The following CERT1 variants were observed in gnomAD, a reference collection of about 807,000 sequenced individuals.
CERT1 encodes the protein ceramide transporter 1.
CERT1 carries 31 observed loss-of-function variants against 87.9 expected under a neutral mutation model. The observed-to-expected ratio is 0.35, with a 90% CI of 0.27 to 0.48. CERT1 has a LOEUF of 0.48. Ranked by LOEUF, CERT1 falls within the 20% of genes least tolerant of loss-of-function variation. The probability of loss-of-function intolerance (pLI) is 0.99; values close to 1 mark genes in which losing one functional copy is unlikely to be tolerated. For missense variants in CERT1, 487 were observed against 758.0 expected (o/e 0.64, Z 4.20); for synonymous variants, 289 against 250.9 (o/e 1.15, Z -1.44).
chr5:75,468,790 C>G (rs1268954402), intron 2 of CERT1, among the ~76,000 whole-genome samples: 1 of 152,176 alleles, frequency 6.6e-6, no homozygotes, highest in Non-Finnish European at 1.5e-5. Flanking sequence ...AGATGACCTG[C>G]CCAGGATCTA....
intron 5 of CERT1, among the ~76,000 whole-genome samples, chr5:75,424,464 T>TGGGA (rs749854199): frequency 1.1e-4 from 16 of 151,228 alleles, no homozygotes; most frequent in Middle Eastern, 3.4e-3. Context: ...CCCAGCTACT[T>TGGGA]GGGAGGCTGA....
At chr5:75,500,503 T>C (rs1414608018) in intron 2 of CERT1, among the ~76,000 whole-genome samples, 6 of 152,190 alleles carry the variant, frequency 3.9e-5, no homozygotes, top group Non-Finnish European at 8.8e-5. Flanking sequence ...TATTGAAAGA[T>C]GGAATATATT....
At chr5:75,495,166 AT>A (rs1309161896) in intron 2 of CERT1, among the ~76,000 whole-genome samples, 1 of 152,208 alleles carries the variant, frequency 6.6e-6, no homozygotes, top group Non-Finnish European at 1.5e-5. Flanking sequence ...GGGAAAGTAT[AT>A]TTTTAAAATA....
At position 75,417,053 on chromosome 5, in the gene CERT1, A is replaced by C. The variant is rs1438441626; in HGVS notation, c.680-20T>G. On this transcript the variant is annotated intron_variant, in intron 6 of 16. Transcript: ENST00000643780. ...GAAATACTGAAAATGAAAATTATTCACTGAAAATATCTCTAATGAGGAAAT... is the reference window on the plus strand; with the variant it reads ...GAAATACTGAAAATGAAAATTATTCCCTGAAAATATCTCTAATGAGGAAAT... 1 of 1,514,556 alleles carries C rather than the reference A, an allele frequency of 6.6e-7. No homozygotes were observed. The highest frequency in any genetic ancestry group is 1.8e-5 in the Admixed American group (1 of 56,004). The allele number at this position is 1,514,556 out of a possible 1,614,324, so 93.8% of individuals were successfully genotyped here. A position where few individuals can be genotyped will look rare whatever the true frequency, so the allele number is the denominator to read the frequency against.
intron 1 of CERT1, among the ~76,000 whole-genome samples, 177 bp downstream of exon 1, chr5:75,510,935 C>G (rs1392323260): frequency 6.6e-6 from 1 of 152,152 alleles, no homozygotes; most frequent in Non-Finnish European, 1.5e-5. Context: ...GACGAGCCCC[C>G]GGGCAACAAG....
At chr5:75,372,713 A>G (rs1470753480) in intron 17 of CERT1, 1 of 152,236 alleles carries the variant, frequency 6.6e-6, no homozygotes. Flanking sequence ...AGGATTGTGC[A>G]TATTAAGCGA....
intron 1 of CERT1, 63 bp downstream of exon 1, chr5:75,511,049 C>T: frequency 1.4e-6 from 2 of 1,463,560 alleles, no homozygotes; most frequent in South Asian, 2.9e-5. Context: ...CCCACCGCCT[C>T]AGCGGATTGC....
intron 2 of CERT1, among the ~76,000 whole-genome samples, chr5:75,465,069 A>G (rs563257167): frequency 6.6e-6 from 1 of 152,232 alleles, no homozygotes; most frequent in South Asian, 2.1e-4. Context: ...TCAGGTGCAC[A>G]CATGCATGGT....
chr5:75,419,243 C>A (rs1034575144), intron 6 of CERT1, 98 bp downstream of exon 6: 1 of 753,684 alleles, frequency 1.3e-6, no homozygotes, highest in African/African-American at 1.8e-5. Flanking sequence ...AGTTCTACTG[C>A]TTTTTAAAAA....
chr5:75,410,453 CA>C (rs1762887558), intron 8 of CERT1, among the ~76,000 whole-genome samples: 1 of 151,582 alleles, frequency 6.6e-6, no homozygotes, highest in Non-Finnish European at 1.5e-5. Flanking sequence ...ACTAAAAATA[CA>C]AAAAAATTAG....
At chr5:75,426,561 G>A (rs1217416677) in intron 3 of CERT1, 83 bp from the exon 4 acceptor site, 1 of 975,370 alleles carries the variant, frequency 1.0e-6, no homozygotes, top group Non-Finnish European at 1.6e-6. Flanking sequence ...AATTAACAAG[G>A]TTATTATAAC....
intron 2 of CERT1, among the ~76,000 whole-genome samples, chr5:75,476,121 ATTAT>A (rs968417046): frequency 3.9e-5 from 6 of 152,322 alleles, no homozygotes; most frequent in East Asian, 3.9e-4. Context: ...ATTCATAGGG[ATTAT>A]TTATTTAACA....
intron 8 of CERT1, among the ~76,000 whole-genome samples, chr5:75,404,193 T>C (rs1762612013): frequency 6.6e-6 from 1 of 150,998 alleles, no homozygotes; most frequent in South Asian, 2.1e-4. Flanking sequence ...GTGGGAGGTA[T>C]GGGGTCACGT....
At chr5:75,417,076 A>C in intron 6 of CERT1, 43 bp from the exon 7 acceptor site, 1 of 1,368,068 alleles carries the variant, frequency 7.3e-7, no homozygotes, top group Non-Finnish European at 1.0e-6. Context: ...CTAATGAGGA[A>C]ATAATTCATC....
intron 3 of CERT1, among the ~76,000 whole-genome samples, chr5:75,458,558 T>G (rs2112308797): frequency 6.9e-6 from 1 of 145,954 alleles, no homozygotes; most frequent in South Asian, 2.1e-4. Context: ...AATATTTATC[T>G]TTTTTTTTTT....
At chr5:75,441,988 A>G (rs2112247376) in intron 3 of CERT1, among the ~76,000 whole-genome samples, 1 of 152,258 alleles carries the variant, frequency 6.6e-6, no homozygotes. Context: ...TATTTTTCAC[A>G]CTGGCTGTAC....
At chr5:75,412,926 A>G (rs1271396147) in intron 7 of CERT1, among the ~76,000 whole-genome samples, 1 of 151,890 alleles carries the variant, frequency 6.6e-6, no homozygotes, top group East Asian at 1.9e-4. Context: ...TTCAATAACA[A>G]CCTTAGCTTA....
At position 75,493,954 on chromosome 5, in the gene CERT1, C is replaced by T. The variant is rs550934166; in HGVS notation, c.231+12028G>A. Among the ~76,000 whole-genome samples the T allele has an allele frequency of 1.2e-4, 19 of 152,218 alleles. 1 individual carries two copies. Among genetic ancestry groups the T allele is most frequent in the Admixed American group, 4.6e-4 (7 of 15,284 alleles). On this transcript the variant is annotated intron_variant, in intron 2 of 16. Coordinates refer to ENST00000643780, the MANE Select transcript of CERT1 (RefSeq NM_001379029.1). Reference sequence around the variant, plus strand: ...CTACCATATTTATAATTTCCAAGAGCTCTTTTTTAACCTCTTCCTTTTTTA... The same window carrying T: ...CTACCATATTTATAATTTCCAAGAGTTCTTTTTTAACCTCTTCCTTTTTTA...
At chr5:75,508,978 A>G (rs538262965) in intron 1 of CERT1, among the ~76,000 whole-genome samples, 2 of 152,222 alleles carry the variant, frequency 1.3e-5, no homozygotes, top group African/African-American at 4.8e-5. Context: ...ATCCATCACG[A>G]TACTTGCTAT....
Sources: allele counts gnomAD v4.1 joint callset (sites outside exome capture counted in the v4.1 genomes callset), GRCh38; gene constraint gnomAD v4.1.1; transcripts MANE v1.5; gene names NCBI Gene and HGNC (gene_info 2026-07-23, HGNC 2026-07-21).